The following ABCA13 variants were observed in gnomAD, a reference collection of about 807,000 sequenced individuals.
ABCA13 encodes the protein ATP-binding cassette sub-family A member 13.
Under a neutral mutation model 478.7 loss-of-function variants are expected in ABCA13, and 476 were observed. The observed-to-expected ratio is 0.99, with a 90% CI of 0.92 to 1.07. The LOEUF (loss-of-function observed/expected upper bound fraction) is 1.07. Ranked by LOEUF, ABCA13 falls within the 50% of genes least tolerant of loss-of-function variation. ABCA13 has a pLI of 0.00. For missense variants in ABCA13, 6,060 were observed against 5,910.6 expected (o/e 1.03, Z -0.83); for synonymous variants, 2,252 against 2,158.9 (o/e 1.04, Z -1.20).
At chr7:48,615,153 T>G in intron 58 of ABCA13, 132 bp from the exon 59 acceptor site, 21 of 439,826 alleles carry the variant, frequency 4.8e-5, no homozygotes, top group South Asian at 2.4e-4. Context: ...TTGGTTACCA[T>G]GAGATTTCTG....
chr7:48,271,071 G>C (rs1281921918), intron 16 of ABCA13, among the ~76,000 whole-genome samples: 1 of 152,182 alleles, frequency 6.6e-6, no homozygotes, highest in Non-Finnish European at 1.5e-5. Context: ...ATACATATCT[G>C]ATACCTGTAT....
chr7:48,397,356 T>A (rs1320925472), intron 38 of ABCA13, among the ~76,000 whole-genome samples: 1 of 152,036 alleles, frequency 6.6e-6, no homozygotes, highest in Non-Finnish European at 1.5e-5. Context: ...CTGAACAAGA[T>A]AAGCCAAATG....
At chr7:48,390,414 C>G (rs1815866633) in intron 37 of ABCA13, among the ~76,000 whole-genome samples, 5 of 152,170 alleles carry the variant, frequency 3.3e-5, no homozygotes, top group South Asian at 2.1e-4. Context: ...TGTGTATAAA[C>G]TATTTTATAG....
In ABCA13 at chr7:48,295,807, T is replaced by C; in HGVS notation, c.9063T>C (p.Thr3021=). ...TCAAGAGCAGCTTGGAAAATGCCAC[T>C]GGCCAGGACTGCACAAGCCAGCCGA... ...ESFKSSLENA[T]GQDCTSQPRL... Residue 3021 remains threonine (T), a synonymous_variant, in exon 21 of 62, where the codon ACT becomes ACC. Transcript: ENST00000435803. 1 of 1,613,980 alleles carries C rather than the reference T, an allele frequency of 6.2e-7. No homozygotes were observed. Among genetic ancestry groups the C allele is most frequent in the Non-Finnish European group, 8.5e-7 (1 of 1,179,884 alleles).
chr7:48,269,192 G>C, intron 16 of ABCA13, 98 bp downstream of exon 16: 1 of 660,798 alleles, frequency 1.5e-6, no homozygotes, highest in Non-Finnish European at 2.6e-6. Context: ...AAATTTATGA[G>C]CCTGATTTAG....
At chr7:48,286,102 A>G (rs1350574625) in intron 19 of ABCA13, among the ~76,000 whole-genome samples, 9 of 152,128 alleles carry the variant, frequency 5.9e-5, no homozygotes, top group Admixed American at 1.3e-4. Flanking sequence ...GATTTCCCAT[A>G]TACTCCCTTC....
intron 16 of ABCA13, among the ~76,000 whole-genome samples, chr7:48,269,948 T>C (rs1795373649): frequency 1.3e-5 from 2 of 152,218 alleles, no homozygotes. Flanking sequence ...AATTCCTTGC[T>C]TAGGTCAGAT....
In ABCA13 at chr7:48,278,909, A is replaced by G. The variant is rs778024646; in HGVS notation, c.7715A>G (p.Glu2572Gly). 14 of 1,613,208 alleles carry G rather than the reference A, an allele frequency of 8.7e-6. No homozygotes were observed. The highest frequency in any genetic ancestry group is 3.3e-4 in the Middle Eastern group (2 of 6,084). The stretch of plus-strand genomic sequence containing the variant: ...CAAAGTGTTCAAAATCTTGTGAAAG[A>G]AATAGCTACTTTAAAAAAAATAGAT... ...MQQSVQNLVK[E>G]IATLKKIDHF... Residue 2572 changes from glutamate to glycine, a missense_variant, in exon 18 of 62, where the codon GAA (glutamate) becomes GGA (glycine). Glu to Gly is a moderately conservative substitution (Grantham distance 98, BLOSUM62 -2). Transcript: ENST00000435803.
chr7:48,196,249 T>C (rs1797916549), intron 2 of ABCA13, among the ~76,000 whole-genome samples: 1 of 152,164 alleles, frequency 6.6e-6, no homozygotes, highest in South Asian at 2.1e-4. Flanking sequence ...TAAACATTTA[T>C]CAAACTCTTG....
intron 14 of ABCA13, 139 bp from the exon 15 acceptor site, chr7:48,249,073 A>G (rs1792133152): frequency 2.8e-6 from 2 of 707,208 alleles, no homozygotes; most frequent in Admixed American, 3.6e-5. Flanking sequence ...TAGTAGAACT[A>G]TTTGAAAGAT....
At chr7:48,577,671 T>C (rs1241254755) in intron 55 of ABCA13, among the ~76,000 whole-genome samples, 3 of 152,126 alleles carry the variant, frequency 2.0e-5, no homozygotes, top group Non-Finnish European at 4.4e-5. Flanking sequence ...TGATATCAAT[T>C]TACTGCAATG....
At chr7:48,299,861 T>G (rs1799906423) in intron 23 of ABCA13, among the ~76,000 whole-genome samples, 1 of 152,042 alleles carries the variant, frequency 6.6e-6, no homozygotes, top group Non-Finnish European at 1.5e-5. Context: ...GGTTCTGTAG[T>G]GCTTTTTTTG....
chr7:48,234,234 G>T, intron 8 of ABCA13, 83 bp downstream of exon 8: 1 of 1,598,386 alleles, frequency 6.3e-7, no homozygotes. Flanking sequence ...CAGGGTGAGC[G>T]GGTGCCACGG....
chr7:48,207,888 C>G (rs930546341), intron 3 of ABCA13, among the ~76,000 whole-genome samples: 1 of 152,074 alleles, frequency 6.6e-6, no homozygotes, highest in Non-Finnish European at 1.5e-5. Flanking sequence ...AGACCTATGT[C>G]CTGGAGTGTT....
intron 28 of ABCA13, among the ~76,000 whole-genome samples, chr7:48,337,034 T>TA (rs1185429761): frequency 6.6e-6 from 1 of 152,246 alleles, no homozygotes; most frequent in Non-Finnish European, 1.5e-5. Context: ...GAGTACTACT[T>TA]ACTAAGTAGC....
chr7:48,238,859 AT>A (rs964106182), intron 8 of ABCA13, among the ~76,000 whole-genome samples: 1 of 152,188 alleles, frequency 6.6e-6, no homozygotes, highest in African/African-American at 2.4e-5. Flanking sequence ...AATCTTTCCA[AT>A]TTTATCCACT....
intron 29 of ABCA13, among the ~76,000 whole-genome samples, chr7:48,342,550 T>G (rs1350193760): frequency 6.6e-6 from 1 of 152,178 alleles, no homozygotes; most frequent in Non-Finnish European, 1.5e-5. Flanking sequence ...GTGACTGACT[T>G]AGTTATGGTT....
intron 3 of ABCA13, among the ~76,000 whole-genome samples, chr7:48,201,210 C>T (rs541699180): frequency 6.8e-4 from 103 of 152,270 alleles, no homozygotes; most frequent in Non-Finnish European, 1.1e-3. Context: ...CGTGAATTTC[C>T]TTGAGCAAAG....
intron 48 of ABCA13, among the ~76,000 whole-genome samples, chr7:48,501,719 G>T (rs1416555756): frequency 1.3e-5 from 2 of 152,182 alleles, no homozygotes; most frequent in African/African-American, 2.4e-5. Context: ...TCAGTGGGCT[G>T]TCTCCTGAAG....
Sources: allele counts gnomAD v4.1 joint callset (sites outside exome capture counted in the v4.1 genomes callset), GRCh38; gene constraint gnomAD v4.1.1; transcripts MANE v1.5; gene names NCBI Gene and HGNC (gene_info 2026-07-23, HGNC 2026-07-21).